Variants in VASH1 observed in about 807,000 individuals in gnomAD.
VASH1 encodes the protein tubulinyl-Tyr carboxypeptidase 1.
Under a neutral mutation model 35.0 loss-of-function variants are expected in VASH1, and 16 were observed. That is an observed-to-expected ratio of 0.46 (90% CI 0.31 to 0.70). The LOEUF (loss-of-function observed/expected upper bound fraction) is 0.70. VASH1 is among the 30% of genes least tolerant of loss of function. VASH1 has a pLI of 0.05. For missense variants in VASH1, 505 were observed against 510.7 expected, an observed-to-expected ratio of 0.99 and a Z score of 0.11; for synonymous variants, 214 against 200.9, an observed-to-expected ratio of 1.07 and a Z score of -0.55.
In VASH1 at chr14:76,779,037, AG is replaced by A. The variant is rs755079577; in HGVS notation, c.*21del. The A allele has an allele frequency of 6.2e-6, 10 of 1,613,344 alleles. No individual in the cohort carries two copies. The highest frequency in any genetic ancestry group is 8.5e-6 in the Non-Finnish European group (10 of 1,179,746). On this transcript the variant is annotated 3_prime_UTR_variant, in exon 7 of 7. Transcript: ENST00000167106. The stretch of plus-strand genomic sequence containing the variant: ...GGTCTGAGGCGGATGCCAGCACCCC[AG>A]GCCCCACCCACTCTTGGGGGCCAGG...
At chr14:76,764,366 T>C (rs1433761513) in intron 1 of VASH1, among the ~76,000 whole-genome samples, 1 of 152,272 alleles carries the variant, frequency 6.6e-6, no homozygotes, top group Admixed American at 6.5e-5. Context: ...TTTATTTAGC[T>C]AATCCCCTAG....
chr14:76,779,481 C>G lies in VASH1; in HGVS notation c.*463C>G, dbSNP rs1360445222. 2 of 701,998 alleles carry G rather than the reference C, an allele frequency of 2.8e-6. No individual in the cohort carries two copies. Among genetic ancestry groups the G allele is most frequent in the Non-Finnish European group, 5.2e-6 (2 of 384,734 alleles). 43.5% of individuals were successfully genotyped at this position (701,998 alleles called of 1,614,324 possible). A position where few individuals can be genotyped will look rare whatever the true frequency, so the allele number is the denominator to read the frequency against. ...GTGGGGGTGGGGTGGAGATGTTTCTCCAGTTCTGCCTGCCCTGGCAGAATC... is the reference window on the plus strand; with the variant it reads ...GTGGGGGTGGGGTGGAGATGTTTCTGCAGTTCTGCCTGCCCTGGCAGAATC... On this transcript the variant is annotated 3_prime_UTR_variant, in exon 7 of 7. Coordinates refer to ENST00000167106, the MANE Select transcript of VASH1 (RefSeq NM_014909.5).
chr14:76,773,499 A>G (rs961541278), intron 4 of VASH1: 1 of 486,892 alleles, frequency 2.1e-6, no homozygotes, highest in East Asian at 3.1e-5. Flanking sequence ...ACCCCAAATC[A>G]GGGCACAGTG....
chr14:76,773,183 A>G lies in VASH1; in HGVS notation c.502A>G (p.Lys168Glu). 1.9e-6 allele frequency: 3 copies of G among 1,614,118 alleles called. No homozygotes were observed. Among genetic ancestry groups the G allele is most frequent in the Non-Finnish European group, 2.5e-6 (3 of 1,180,018 alleles). Residue 168 changes from lysine to glutamate, a missense_variant, in exon 4 of 7, where the codon AAA becomes GAA. Lys to Glu is a moderately conservative substitution (Grantham distance 56). Coordinates refer to ENST00000167106, the MANE Select transcript of VASH1 (RefSeq NM_014909.5). ...AATGACCAAAGAGGCCCTGCCAATCAAATGCCTGGAAGCCGTGATCCTGGG... is the reference window on the plus strand; with the variant it reads ...AATGACCAAAGAGGCCCTGCCAATCGAATGCCTGGAAGCCGTGATCCTGGG... ...KEMTKEALPI[K>E]CLEAVILGIY...
intron 4 of VASH1, 180 bp downstream of exon 4, chr14:76,773,391 G>T (rs1893845307): frequency 1.6e-6 from 1 of 616,530 alleles, no homozygotes; most frequent in East Asian, 2.8e-5. Flanking sequence ...AAATGGAGGA[G>T]CCCCGAGGTC....
At chr14:76,771,660 A>G (rs147638293) in intron 3 of VASH1, among the ~76,000 whole-genome samples, 1 of 152,138 alleles carries the variant, frequency 6.6e-6, no homozygotes, top group African/African-American at 2.4e-5. Context: ...TTCCCATTGC[A>G]GGGTACTTGC....
At position 76,776,072 on chromosome 14, in the gene VASH1, C is replaced by T. The variant is rs1314922847; in HGVS notation, c.711C>T (p.Ser237=). 1.2e-6 allele frequency: 2 copies of T among 1,609,100 alleles called. No individual in the cohort carries two copies. The highest frequency in any genetic ancestry group is 2.2e-5 in the East Asian group (1 of 44,828). The change falls in exon 5 of 7, where the codon AGC becomes AGT. Residue 237 remains serine (S), a synonymous_variant. Coordinates refer to ENST00000167106, the MANE Select transcript of VASH1 (RefSeq NM_014909.5). ...AGCCGCCCGCCTTCCGCACGCTCAG[C>T]GAGCTCGTGCTGGACTTCGAGGCCG... ...MYKPPAFRTL[S]ELVLDFEAAY...
Position 76,782,558 on chromosome 14 carries a change from C to T in VASH1, c.*3540C>T, listed in dbSNP as rs117459334. On this transcript the variant is annotated 3_prime_UTR_variant, in exon 7 of 7. Transcript: ENST00000167106. ...CCTGGGCTCGCTCCAAGTGCAGGAACATACATGCAGGGCCCAACATGATGA... is the reference window on the plus strand; with the variant it reads ...CCTGGGCTCGCTCCAAGTGCAGGAATATACATGCAGGGCCCAACATGATGA... 1,478 of 152,378 alleles carry T rather than the reference C, an allele frequency of 9.7e-3. 7 individuals carry two copies. Among genetic ancestry groups the T allele is most frequent in the South Asian group, 0.016 (78 of 4,824 alleles). 9.4% of individuals were successfully genotyped at this position (152,378 alleles called of 1,614,324 possible).
At chr14:76,777,924 TG>T in intron 5 of VASH1, 34 bp from the exon 6 acceptor site, 1 of 1,442,412 alleles carries the variant, frequency 6.9e-7, no homozygotes, top group South Asian at 1.5e-5. Context: ...AGGGCAGTCC[TG>T]GAGTGATGCT....
Position 76,771,184 on chromosome 14 carries a change from C to T in VASH1, c.399-6C>T, listed in dbSNP as rs761541769. 6.3e-7 allele frequency: 1 copy of T among 1,590,066 alleles called. No homozygotes were observed. The highest frequency in any genetic ancestry group is 1.4e-5 in the African/African-American group (1 of 73,948). On this transcript the variant is annotated splice_polypyrimidine_tract_variant and splice_region_variant and intron_variant, in intron 2 of 6. Coordinates refer to ENST00000167106, the MANE Select transcript of VASH1 (RefSeq NM_014909.5). ...AAGCTAGGAAGCCCTTAACCCGTGC[C>T]CACAGGTACAATCACACAGGGACAC...
intron 5 of VASH1, among the ~76,000 whole-genome samples, chr14:76,777,429 T>C (rs1175580087): frequency 6.6e-6 from 1 of 152,254 alleles, no homozygotes; most frequent in Non-Finnish European, 1.5e-5. Flanking sequence ...TATTCAGTGC[T>C]AAACACTCAC....
chr14:76,771,508 C>T (rs1307466221), intron 3 of VASH1, among the ~76,000 whole-genome samples: 1 of 152,234 alleles, frequency 6.6e-6, no homozygotes, highest in African/African-American at 2.4e-5. Context: ...CCGCCCCCAG[C>T]TCTTGCCTTG....
chr14:76,768,898 G>T (rs1428000748), intron 1 of VASH1, among the ~76,000 whole-genome samples: 5 of 152,206 alleles, frequency 3.3e-5, no homozygotes, highest in Admixed American at 2.6e-4. Context: ...TACTGTGCTG[G>T]TGGACAAGGG....
At chr14:76,769,512 A>G in intron 1 of VASH1, 2 of 1,285,884 alleles carry the variant, frequency 1.6e-6, no homozygotes, top group East Asian at 1.1e-4. Context: ...CCTCAGGACC[A>G]CTCCCAAAGC....
At chr14:76,765,697 C>G (rs979660692) in intron 1 of VASH1, among the ~76,000 whole-genome samples, 3 of 152,208 alleles carry the variant, frequency 2.0e-5, no homozygotes, top group Non-Finnish European at 2.9e-5. Flanking sequence ...CATAAAGATC[C>G]AGAGTTTTGG....
At chr14:76,770,201 G>A in intron 2 of VASH1, 150 bp downstream of exon 2, 3 of 732,348 alleles carry the variant, frequency 4.1e-6, no homozygotes, top group East Asian at 5.7e-5. Flanking sequence ...CCCTGGTGCT[G>A]TGGGACGCGG....
In VASH1 at chr14:76,781,781, C is replaced by T. The variant is rs1411153574; in HGVS notation, c.*2763C>T. 1 of 152,818 alleles carries T rather than the reference C, an allele frequency of 6.5e-6. No homozygotes were observed. Among genetic ancestry groups the T allele is most frequent in the Non-Finnish European group, 1.5e-5 (1 of 68,224 alleles). The allele number at this position is 152,818 out of a possible 1,614,324, so 9.5% of individuals were successfully genotyped here. On this transcript the variant is annotated 3_prime_UTR_variant, in exon 7 of 7. Transcript: ENST00000167106. ...TTTAACTGTTTCTCATATGTAGCAA[C>T]CCCTCCTCCCCTCCTGGGCATGTTT... is the stretch of plus-strand genomic sequence containing the variant.
rs2140191177 is a variant in VASH1, at chr14:76,778,882, C to T, written c.1026-64C>T. 2.3e-5 allele frequency: 36 copies of T among 1,538,010 alleles called. 1 individual carries two copies. The South Asian group carries it at 3.4e-4, about 14-fold the overall frequency. On this transcript the variant is annotated intron_variant, in intron 6 of 6. Transcript: ENST00000167106. ...AGCCACCAGGCAGCCGCTGCTGGCT[C>T]CCCAACTCCATCTCCCTAACAGACC...
intron 2 of VASH1, among the ~76,000 whole-genome samples, chr14:76,770,948 GC>G (rs1453114096): frequency 6.6e-6 from 1 of 152,226 alleles, no homozygotes; most frequent in African/African-American, 2.4e-5. Flanking sequence ...TCTGGCCCTC[GC>G]CGAACTGGTC....
Sources: allele counts gnomAD v4.1 joint callset (sites outside exome capture counted in the v4.1 genomes callset), GRCh38; gene constraint gnomAD v4.1.1; transcripts MANE v1.5; gene names NCBI Gene and HGNC (gene_info 2026-07-23, HGNC 2026-07-21).